TENM3: variants seen among roughly 807,000 people sequenced by gnomAD.
TENM3 encodes teneurin-3.
In TENM3, 63 loss-of-function variants were observed where a neutral mutation model predicts 255.1. The observed-to-expected ratio is 0.25, with a 90% confidence interval of 0.20 to 0.30. The LOEUF (loss-of-function observed/expected upper bound fraction) is 0.30, where lower values mean the gene tolerates loss of function less well. Among genes scored for constraint, TENM3 ranks in the 10% least tolerant of loss-of-function variants. The pLI, the probability that TENM3 is intolerant of heterozygous loss-of-function variation, is 1.00. For missense variants in TENM3, 2,929 were observed against 3,461.1 expected, an observed-to-expected ratio of 0.85 and a Z score of 3.86; for synonymous variants, 1,306 against 1,322.3, an observed-to-expected ratio of 0.99 and a Z score of 0.27.
intron 3 of TENM3, among the ~76,000 whole-genome samples, chr4:182,578,377 C>T (rs1745149244): frequency 6.6e-6 from 1 of 152,064 alleles, no homozygotes; most frequent in Admixed American, 6.6e-5. Flanking sequence ...TATTATGTTT[C>T]CTGCATATTG....
chr4:181,783,248 G>T, the TENM3 span, among the ~76,000 whole-genome samples: 4 of 152,056 alleles, frequency 2.6e-5, no homozygotes, highest in Admixed American at 1.3e-4. Flanking sequence ...ATTATTGTGT[G>T]GGAGTCTAAG....
chr4:182,112,179 C>T, the TENM3 span, among the ~76,000 whole-genome samples: 2 of 152,064 alleles, frequency 1.3e-5, no homozygotes, highest in South Asian at 2.1e-4. Flanking sequence ...TGAATGACTA[C>T]ATTTTTCTCC....
intron 16 of TENM3, 141 bp downstream of exon 16, chr4:182,731,280 C>A (rs970030839): frequency 9.0e-6 from 7 of 780,206 alleles, no homozygotes; most frequent in Non-Finnish European, 1.4e-5. Flanking sequence ...CCGAGGTGGG[C>A]AGATCATGAG....
the TENM3 span, among the ~76,000 whole-genome samples, chr4:182,100,806 TACACATATATATAC>T: frequency 4.4e-3 from 26 of 5,916 alleles, 6 homozygotes; most frequent in African/African-American, 0.012. Flanking sequence ...CACATATATA[TACACATATATATAC>T]ACATATATAT....
rs114725511 is a variant in TENM3 at position 182,148,677 on chromosome 4, G to A, written c.-76+3923G>A. 4.6e-3 allele frequency among the ~76,000 whole-genome samples: 697 copies of A among 152,110 alleles called. 3 individuals are homozygous for A. Among genetic ancestry groups the A allele is most frequent in the African/African-American group, 0.015 (618 of 41,534 alleles). On this transcript the variant is annotated intron_variant, in intron 1 of 2. Coordinates refer to the TENM3 transcript ENST00000512480. ...GTGTTATAACTTTATTTCATAAGAT[G>A]GTGTAATCCTGACAATGAAAGATAA...
chr4:182,528,255 T>C (rs780280756), intron 3 of TENM3, among the ~76,000 whole-genome samples: 3 of 152,070 alleles, frequency 2.0e-5, no homozygotes, highest in Non-Finnish European at 4.4e-5. Context: ...GTAGCTGAGA[T>C]TATAGACATG....
chr4:182,373,037 G>C (rs1197561847), intron 3 of TENM3, among the ~76,000 whole-genome samples: 1 of 152,116 alleles, frequency 6.6e-6, no homozygotes, highest in African/African-American at 2.4e-5. Flanking sequence ...ACCACACCAG[G>C]CCTATTGATA....
intron 6 of TENM3, among the ~76,000 whole-genome samples, chr4:182,669,462 G>A (rs952782972): frequency 1.3e-5 from 2 of 151,904 alleles, no homozygotes; most frequent in Non-Finnish European, 2.9e-5. Context: ...AGTAGAGACG[G>A]GGTTTCACTG....
the TENM3 span, among the ~76,000 whole-genome samples, chr4:181,922,123 G>A: frequency 6.6e-6 from 1 of 152,088 alleles, no homozygotes; most frequent in African/African-American, 2.4e-5. Context: ...ATGTGCTGCT[G>A]GATTCAGTTT....
chr4:181,687,766 T>C, the TENM3 span, among the ~76,000 whole-genome samples: 1 of 152,146 alleles, frequency 6.6e-6, no homozygotes, highest in Non-Finnish European at 1.5e-5. Flanking sequence ...GAGTTAGTAG[T>C]AAAGCCTGGT....
At chr4:182,637,290 G>A (rs1751924780) in intron 5 of TENM3, among the ~76,000 whole-genome samples, 1 of 152,246 alleles carries the variant, frequency 6.6e-6, no homozygotes, top group African/African-American at 2.4e-5. Flanking sequence ...ATTTAAATTT[G>A]TATAGAGTTT....
At chr4:182,172,608 T>G (rs1752182734) in intron 1 of TENM3, among the ~76,000 whole-genome samples, 1 of 152,194 alleles carries the variant, frequency 6.6e-6, no homozygotes, top group Admixed American at 6.5e-5. Context: ...ATTGATTATT[T>G]TGGCCACTGG....
At chr4:182,105,759 A>C in the TENM3 span, among the ~76,000 whole-genome samples, 1 of 152,170 alleles carries the variant, frequency 6.6e-6, no homozygotes, top group African/African-American at 2.4e-5. Flanking sequence ...GGATTGATTG[A>C]TTGTCCACAT....
At chr4:182,659,025 C>G (rs1753991595) in intron 6 of TENM3, among the ~76,000 whole-genome samples, 2 of 152,214 alleles carry the variant, frequency 1.3e-5, no homozygotes, top group African/African-American at 4.8e-5. Context: ...ACTGCCATCA[C>G]ATTCTGCTGG....
At chr4:182,430,616 G>C (rs765474638) in intron 3 of TENM3, among the ~76,000 whole-genome samples, 8 of 152,156 alleles carry the variant, frequency 5.3e-5, no homozygotes, top group Non-Finnish European at 1.2e-4. Context: ...TAAAAAGAAA[G>C]TCCAGTGCCT....
the TENM3 span, among the ~76,000 whole-genome samples, chr4:181,798,496 G>A: frequency 3.0e-4 from 46 of 152,116 alleles, 1 homozygote; most frequent in Admixed American, 4.6e-4. Context: ...ATCTGGGATA[G>A]CATCATGGTG....
intron 1 of TENM3, among the ~76,000 whole-genome samples, chr4:182,279,709 A>G (rs573464184): frequency 1.2e-4 from 18 of 152,324 alleles, no homozygotes; most frequent in Admixed American, 7.2e-4. Context: ...TCTGTCGTTC[A>G]TGGAGTATGC....
chr4:182,723,804 A>C (rs975512580), intron 13 of TENM3, among the ~76,000 whole-genome samples: 1 of 152,192 alleles, frequency 6.6e-6, no homozygotes, highest in South Asian at 2.1e-4. Flanking sequence ...TAATAGTTTT[A>C]TTGGAACACA....
chr4:182,581,780 C>T (rs1655511065), intron 3 of TENM3, among the ~76,000 whole-genome samples: 1 of 151,962 alleles, frequency 6.6e-6, no homozygotes, highest in Admixed American at 6.6e-5. Context: ...GGAAAAATAT[C>T]TTAATGCAAA....
Sources: gnomAD v4.1 joint callset for allele counts (sites outside exome capture counted in the v4.1 genomes callset) on GRCh38, gnomAD v4.1.1 for gene constraint, MANE v1.5 for transcripts, NCBI Gene and HGNC (gene_info 2026-07-23, HGNC 2026-07-21) for gene names.